GNA14: variants seen among roughly 807,000 people sequenced by gnomAD.
The protein encoded by GNA14 is G protein subunit alpha 14, also known as guanine nucleotide-binding protein subunit alpha-14.
GNA14 carries 50 observed loss-of-function variants against 42.0 expected under a neutral mutation model. The ratio of observed to expected loss-of-function variants is 1.19; its 90% confidence interval spans 0.95 to 1.51. GNA14 has a LOEUF of 1.51. Among genes scored for constraint, GNA14 ranks in the 40% most tolerant of loss-of-function variants. The pLI is 0.00. For missense variants in GNA14, 473 were observed against 446.2 expected (o/e 1.06, Z -0.54); for synonymous variants, 173 against 163.1 (o/e 1.06, Z -0.46).
At chr9:77,609,635 G>A (rs946488460) in intron 1 of GNA14, among the ~76,000 whole-genome samples, 2 of 152,162 alleles carry the variant, frequency 1.3e-5, no homozygotes, top group African/African-American at 4.8e-5. Flanking sequence ...TGGAGGCTGA[G>A]AAGTCCAAGA....
chr9:77,508,581 G>A (rs369315303), intron 2 of GNA14, among the ~76,000 whole-genome samples: 14 of 152,300 alleles, frequency 9.2e-5, no homozygotes, highest in Admixed American at 2.6e-4. Context: ...ATATGTGTGC[G>A]TGAGTGTATG....
chr9:77,553,216 C>T (rs1026182544), intron 1 of GNA14, among the ~76,000 whole-genome samples: 21 of 152,252 alleles, frequency 1.4e-4, no homozygotes, highest in African/African-American at 4.3e-4. Context: ...TGGATATACC[C>T]GGGCTCCTTC....
chr9:77,490,472 C>A (rs927336511), intron 2 of GNA14, among the ~76,000 whole-genome samples: 3 of 152,252 alleles, frequency 2.0e-5, no homozygotes, highest in African/African-American at 7.2e-5. Flanking sequence ...GCACAGGAAC[C>A]CATGGAGGCA....
rs113509609 is a variant in GNA14, at chr9:77,555,838, T to C, written c.125-26585A>G. Among the ~76,000 whole-genome samples the C allele has an allele frequency of 9.0e-4, 137 of 152,322 alleles. 1 individual carries two copies. Among genetic ancestry groups the C allele is most frequent in the Non-Finnish European group, 1.7e-3 (114 of 68,026 alleles). ...AATGAAAAGGAGTGTACTGAATCTA[T>C]AGCATAACAGCATAGATGGATCTTA... On this transcript the variant is annotated intron_variant, in intron 1 of 6. Coordinates refer to ENST00000341700, the MANE Select transcript of GNA14 (RefSeq NM_004297.4).
intron 1 of GNA14, among the ~76,000 whole-genome samples, chr9:77,568,260 G>C (rs1823003033): frequency 6.6e-6 from 1 of 152,082 alleles, no homozygotes; most frequent in African/African-American, 2.4e-5. Flanking sequence ...AGACCAGCTT[G>C]GCCAACATGG....
intron 1 of GNA14, among the ~76,000 whole-genome samples, chr9:77,602,836 C>G (rs1328076724): frequency 1.3e-5 from 2 of 152,310 alleles, no homozygotes; most frequent in East Asian, 3.9e-4. Flanking sequence ...AGGCCCTGTG[C>G]TTTGTTTAAT....
intron 2 of GNA14, among the ~76,000 whole-genome samples, chr9:77,451,186 C>G (rs1335209900): frequency 2.0e-5 from 3 of 152,168 alleles, no homozygotes; most frequent in African/African-American, 4.8e-5. Flanking sequence ...AGCTCATCCC[C>G]TAGTAGGGAG....
At chr9:77,532,352 GAGATTTC>G (rs901894634) in intron 1 of GNA14, among the ~76,000 whole-genome samples, 4 of 152,200 alleles carry the variant, frequency 2.6e-5, no homozygotes, top group African/African-American at 7.2e-5. Flanking sequence ...ACCTGGTACA[GAGATTTC>G]AATCCCTGGA....
At chr9:77,634,481 AAGGAAGGAAGG>A (rs1824149706) in intron 1 of GNA14, among the ~76,000 whole-genome samples, 2 of 149,674 alleles carry the variant, frequency 1.3e-5, no homozygotes, top group Non-Finnish European at 3.0e-5. Context: ...GGAAGGAAGG[AAGGAAGGAAGG>A]AAGGGAGTGA....
intron 1 of GNA14, among the ~76,000 whole-genome samples, chr9:77,627,268 G>A (rs1051836686): frequency 2.0e-5 from 3 of 152,070 alleles, no homozygotes; most frequent in Admixed American, 6.6e-5. Flanking sequence ...AAAAGGCCAG[G>A]AACAGATGGA....
chr9:77,515,367 A>G (rs1262212086), intron 2 of GNA14, among the ~76,000 whole-genome samples: 1 of 152,200 alleles, frequency 6.6e-6, no homozygotes, highest in Non-Finnish European at 1.5e-5. Context: ...TTGAAGGAGC[A>G]TTGTGAATAC....
intron 1 of GNA14, among the ~76,000 whole-genome samples, chr9:77,544,340 A>G (rs1837694187): frequency 6.6e-6 from 1 of 152,202 alleles, no homozygotes; most frequent in African/African-American, 2.4e-5. Flanking sequence ...AATCTCTTCA[A>G]ATAAACTCTG....
At chr9:77,475,996 ACTTCT>A (rs1221582540) in intron 2 of GNA14, among the ~76,000 whole-genome samples, 6 of 152,302 alleles carry the variant, frequency 3.9e-5, no homozygotes, top group African/African-American at 1.4e-4. Flanking sequence ...TTGAGCTTAG[ACTTCT>A]GATGACTAAA....
chr9:77,557,844 C>T (rs982502482), intron 1 of GNA14, among the ~76,000 whole-genome samples: 5 of 152,148 alleles, frequency 3.3e-5, no homozygotes, highest in African/African-American at 1.2e-4. Context: ...TTTATATTAG[C>T]TATTTATGAC....
chr9:77,595,622 G>A (rs947478037), intron 1 of GNA14, among the ~76,000 whole-genome samples: 6 of 152,180 alleles, frequency 3.9e-5, no homozygotes, highest in African/African-American at 1.4e-4. Flanking sequence ...GCAAGATGCT[G>A]ATTGTGTGAT....
At chr9:77,470,317 A>G (rs560961182) in intron 2 of GNA14, among the ~76,000 whole-genome samples, 1 of 152,310 alleles carries the variant, frequency 6.6e-6, no homozygotes, top group South Asian at 2.1e-4. Flanking sequence ...TTTGGAGAGT[A>G]TCTCCAATTA....
chr9:77,566,358 T>G (rs1486320192), intron 1 of GNA14, among the ~76,000 whole-genome samples: 2 of 151,912 alleles, frequency 1.3e-5, no homozygotes, highest in Non-Finnish European at 2.9e-5. Context: ...TCTCGCCATG[T>G]TGGTCAAGCT....
chr9:77,442,345 C>A (rs1430770687), intron 2 of GNA14, among the ~76,000 whole-genome samples: 1 of 152,138 alleles, frequency 6.6e-6, no homozygotes, highest in Non-Finnish European at 1.5e-5. Context: ...GCACTCCAGC[C>A]TGGGCAACAG....
At chr9:77,583,487 C>A (rs868744978) in intron 1 of GNA14, among the ~76,000 whole-genome samples, 13 of 152,152 alleles carry the variant, frequency 8.5e-5, no homozygotes, top group African/African-American at 2.9e-4. Context: ...GAATTTTACT[C>A]GTTTTATGTT....
Sources: allele counts gnomAD v4.1 joint callset (sites outside exome capture counted in the v4.1 genomes callset), GRCh38; gene constraint gnomAD v4.1.1; transcripts MANE v1.5; gene names NCBI Gene and HGNC (gene_info 2026-07-23, HGNC 2026-07-21).